The following VPS13C variants were observed in gnomAD, a reference collection of about 807,000 sequenced individuals.
VPS13C encodes the protein vacuolar protein sorting 13 homolog C, also known as intermembrane lipid transfer protein VPS13C.
VPS13C carries 358 observed loss-of-function variants against 456.8 expected under a neutral mutation model. The ratio of observed to expected loss-of-function variants is 0.78; its 90% CI spans 0.72 to 0.86. The LOEUF (loss-of-function observed/expected upper bound fraction) is 0.86, where lower values mean the gene tolerates loss of function less well. Among genes scored for constraint, VPS13C ranks in the 40% least tolerant of loss-of-function variants. The probability of loss-of-function intolerance (pLI) is 0.00; values close to 1 mark genes in which losing one functional copy is unlikely to be tolerated. For missense variants in VPS13C, 4,818 were observed against 4,385.4 expected, an observed-to-expected ratio of 1.10 and a Z score of -2.79; for synonymous variants, 1,578 against 1,486.7, an observed-to-expected ratio of 1.06 and a Z score of -1.41.
At chr15:61,918,614 C>CA (rs1199296602) in intron 58 of VPS13C, among the ~76,000 whole-genome samples, 1 of 151,804 alleles carries the variant, frequency 6.6e-6, no homozygotes, top group Non-Finnish European at 1.5e-5. Context: ...AAATGGATAG[C>CA]AAAAAATCAT....
At chr15:62,023,567 A>G in intron 7 of VPS13C, 47 bp from the exon 8 acceptor site, 1 of 1,381,988 alleles carries the variant, frequency 7.2e-7, no homozygotes, top group Non-Finnish European at 9.9e-7. Context: ...AAATTCTCAT[A>G]TACCTCAAAA....
At chr15:62,052,078 T>C (rs1383033349) in intron 1 of VPS13C, among the ~76,000 whole-genome samples, 1 of 152,120 alleles carries the variant, frequency 6.6e-6, no homozygotes, top group Non-Finnish European at 1.5e-5. Context: ...TCAACTTTCT[T>C]AATATAAAAC....
At chr15:61,916,729 T>C (rs1167698393) in intron 60 of VPS13C, among the ~76,000 whole-genome samples, 1 of 152,106 alleles carries the variant, frequency 6.6e-6, no homozygotes, top group African/African-American at 2.4e-5. Flanking sequence ...TTTTAAAATA[T>C]TTATCATATA....
rs928438281 is a variant in VPS13C, at chr15:61,922,440, T to A, written c.6932A>T (p.Asn2311Ile). ...AESKFSGNIK[N>I]WTSLMAAVAD... The stretch of plus-strand genomic sequence containing the variant: ...AACAGCAGCCATTAGAGAAGTCCAA[T>A]TTTTAATATTTCCTGAAAACTTAGA... The change falls in exon 54 of 85, where the codon AAT (asparagine) becomes ATT (isoleucine). Residue 2311 changes from asparagine (N) to isoleucine (I), a missense_variant. Physicochemically the swap from Asn to Ile is moderately radical, Grantham distance 149. Coordinates refer to ENST00000644861, the MANE Select transcript of VPS13C (RefSeq NM_020821.3). 1 of 1,613,840 alleles carries A rather than the reference T, an allele frequency of 6.2e-7. No homozygotes were observed. Among genetic ancestry groups the A allele is most frequent in the East Asian group, 2.2e-5 (1 of 44,874 alleles).
chr15:62,017,317 T>C (rs1174975495), intron 9 of VPS13C, among the ~76,000 whole-genome samples: 1 of 152,182 alleles, frequency 6.6e-6, no homozygotes, highest in Admixed American at 6.5e-5. Flanking sequence ...ATTTTGGCTT[T>C]TGTTGCCATT....
intron 1 of VPS13C, among the ~76,000 whole-genome samples, chr15:62,056,261 A>G (rs2048793813): frequency 6.6e-6 from 1 of 152,234 alleles, no homozygotes; most frequent in Admixed American, 6.5e-5. Flanking sequence ...TTAGAGATAT[A>G]TGAATATCAT....
At chr15:61,901,763 T>C (rs2043004938) in intron 66 of VPS13C, among the ~76,000 whole-genome samples, 1 of 152,018 alleles carries the variant, frequency 6.6e-6, no homozygotes, top group Non-Finnish European at 1.5e-5. Context: ...CATTACTGGG[T>C]ATATACCCAA....
chr15:62,033,680 C>A, intron 4 of VPS13C, 138 bp from the exon 5 acceptor site: 2 of 470,482 alleles, frequency 4.3e-6, no homozygotes, highest in Non-Finnish European at 7.1e-6. Flanking sequence ...TTTAGTTTTA[C>A]GAAACATTTA....
At position 61,895,031 on chromosome 15, in the gene VPS13C, C is replaced by A. The variant is rs372170912; in HGVS notation, c.9106-4631G>T. 4.6e-5 allele frequency among the ~76,000 whole-genome samples: 7 copies of A among 152,160 alleles called. No homozygotes were observed. The East Asian group carries it at 7.7e-4, about 17-fold the overall frequency. ...AATTATATCAAGTATCTTTTCTGTC[C>A]ACAATGGAATAAAACTAGAAAGCAA... On this transcript the variant is annotated intron_variant, in intron 66 of 84. Transcript: ENST00000644861.
In VPS13C at chr15:61,874,752, T is replaced by C. The variant is rs1895286922; in HGVS notation, c.10414+124A>G. The C allele has an allele frequency of 1.2e-5, 10 of 828,872 alleles. No individual in the cohort carries two copies. In the Middle Eastern group the frequency reaches 1.9e-3, roughly 161 times the overall value. The allele number at this position is 828,872 out of a possible 1,614,324, so 51.3% of individuals were successfully genotyped here. A position where few individuals can be genotyped will look rare whatever the true frequency, so the allele number is the denominator to read the frequency against. On this transcript the variant is annotated intron_variant, in intron 77 of 84. Coordinates refer to ENST00000644861, the MANE Select transcript of VPS13C (RefSeq NM_020821.3). ...TTAAAAACATGGGAAACATGTCTTT[T>C]AAAAGGGATTATTAAGAAAGTGATC...
At chr15:61,868,599 C>A in intron 81 of VPS13C, 60 bp downstream of exon 81, 2 of 1,449,950 alleles carry the variant, frequency 1.4e-6, no homozygotes, top group South Asian at 2.4e-5. Flanking sequence ...CCTAGGAAAT[C>A]CTGGGCCTAG....
chr15:61,961,779 A>C lies in VPS13C; in HGVS notation c.3718T>G (p.Ser1240Ala). The C allele has an allele frequency of 6.2e-7, 1 of 1,614,096 alleles. No homozygotes were observed. The highest frequency in any genetic ancestry group is 8.5e-7 in the Non-Finnish European group (1 of 1,179,970). The change falls in exon 35 of 85, where the codon TCC becomes GCC. Residue 1240 changes from serine (S) to alanine (A), a missense_variant. This residue lies in a region of VPS13C where 4,552 missense variants were observed against 4,130.6 expected (regional missense o/e 1.10). Coordinates refer to ENST00000644861, the MANE Select transcript of VPS13C (RefSeq NM_020821.3). ...GGTGCTTTCAAATCAATATTGATGG[A>C]AACACGAAAACTCCTCTGGGCAAGA... is the stretch of plus-strand genomic sequence containing the variant. ...KDLAQRSFRV[S>A]INIDLKAPVI...
At chr15:61,866,641 T>C in intron 81 of VPS13C, 1 of 985,178 alleles carries the variant, frequency 1.0e-6, no homozygotes, top group Non-Finnish European at 1.2e-6. Flanking sequence ...CTAAATTATC[T>C]AGGCACAAGA....
intron 82 of VPS13C, among the ~76,000 whole-genome samples, chr15:61,861,549 A>C (rs1894227384): frequency 1.3e-5 from 2 of 152,098 alleles, no homozygotes; most frequent in African/African-American, 4.8e-5. Context: ...TAGCAATAAA[A>C]ATTATTTTGG....
intron 53 of VPS13C, among the ~76,000 whole-genome samples, chr15:61,923,741 TC>T (rs980216635): frequency 2.0e-5 from 3 of 150,062 alleles, no homozygotes; most frequent in Non-Finnish European, 4.4e-5. Context: ...TGTATTGTTT[TC>T]CTAACTTACT....
At chr15:61,973,315 A>G (rs1218647254) in intron 26 of VPS13C, 139 bp downstream of exon 26, 7 of 643,050 alleles carry the variant, frequency 1.1e-5, no homozygotes, top group Non-Finnish European at 1.8e-5. Flanking sequence ...TCAGAGTCAC[A>G]CTAATGTAGC....
At chr15:61,862,386 C>A (rs974723954) in intron 82 of VPS13C, among the ~76,000 whole-genome samples, 1 of 152,082 alleles carries the variant, frequency 6.6e-6, no homozygotes, top group African/African-American at 2.4e-5. Context: ...AATACTCCCA[C>A]AGAATGGCTT....
intron 5 of VPS13C, among the ~76,000 whole-genome samples, chr15:62,031,751 C>A (rs558229772): frequency 6.6e-6 from 1 of 151,916 alleles, no homozygotes; most frequent in African/African-American, 2.4e-5. Context: ...AAAATTAATA[C>A]TACAGATGTA....
intron 69 of VPS13C, among the ~76,000 whole-genome samples, chr15:61,882,207 C>A (rs1377908039): frequency 6.6e-6 from 1 of 152,002 alleles, no homozygotes; most frequent in Non-Finnish European, 1.5e-5. Context: ...CAGTACTTAA[C>A]AGCTAAAAGG....
Sources: allele counts gnomAD v4.1 joint callset (sites outside exome capture counted in the v4.1 genomes callset), GRCh38; gene constraint gnomAD v4.1.1; regional missense constraint gnomAD v4.1.1; transcripts MANE v1.5; gene names NCBI Gene and HGNC (gene_info 2026-07-23, HGNC 2026-07-21).